BMPR1B: variants seen among roughly 807,000 people sequenced by gnomAD.
BMPR1B encodes bone morphogenetic protein receptor type 1B.
Under a neutral mutation model 59.1 loss-of-function variants are expected in BMPR1B, and 12 were observed. The ratio of observed to expected loss-of-function variants is 0.20; its 90% CI spans 0.13 to 0.33. The LOEUF is 0.33. Among genes scored for constraint, BMPR1B ranks in the 10% least tolerant of loss-of-function variants. The pLI is 1.00. For synonymous variants in BMPR1B, 237 were observed against 207.3 expected, an observed-to-expected ratio of 1.14 and a Z score of -1.23; for missense variants, 550 against 610.9, an observed-to-expected ratio of 0.90 and a Z score of 1.05.
chr4:95,128,237 C>T (rs1000204981), intron 8 of BMPR1B, among the ~76,000 whole-genome samples: 4 of 152,072 alleles, frequency 2.6e-5, no homozygotes, highest in African/African-American at 7.2e-5. Flanking sequence ...AGGTTGCTGA[C>T]GATAAGATGA....
chr4:95,124,715 A>T (rs1430874863), intron 7 of BMPR1B, among the ~76,000 whole-genome samples: 1 of 152,062 alleles, frequency 6.6e-6, no homozygotes. Flanking sequence ...GATATGTGCA[A>T]TTTGAAATAA....
intron 2 of BMPR1B, among the ~76,000 whole-genome samples, chr4:94,926,281 T>C (rs1162308915): frequency 6.6e-6 from 1 of 151,976 alleles, no homozygotes; most frequent in African/African-American, 2.4e-5. Context: ...ATAGATGTTT[T>C]ATAGGTTTCG....
At chr4:94,841,342 C>G (rs535336707) in intron 1 of BMPR1B, among the ~76,000 whole-genome samples, 1 of 148,838 alleles carries the variant, frequency 6.7e-6, no homozygotes, top group African/African-American at 2.5e-5. Flanking sequence ...TGGGCAATGG[C>G]GGGCGCCCCT....
At chr4:94,983,934 T>A (rs762289973) in intron 2 of BMPR1B, among the ~76,000 whole-genome samples, 4 of 152,206 alleles carry the variant, frequency 2.6e-5, no homozygotes, top group Non-Finnish European at 5.9e-5. Flanking sequence ...TAAGCAAGTG[T>A]TTATTGAATG....
intron 3 of BMPR1B, among the ~76,000 whole-genome samples, chr4:95,054,982 A>G (rs1173587941): frequency 6.6e-6 from 1 of 152,196 alleles, no homozygotes; most frequent in East Asian, 1.9e-4. Flanking sequence ...CTATTAAAGC[A>G]ATCAGATTAA....
intron 2 of BMPR1B, among the ~76,000 whole-genome samples, chr4:94,901,873 C>A (rs1005381416): frequency 6.6e-6 from 1 of 151,834 alleles, no homozygotes; most frequent in South Asian, 2.1e-4. Flanking sequence ...AACACTTGCA[C>A]CAGAGTGTTC....
chr4:95,094,246 G>A (rs918787427), intron 3 of BMPR1B, among the ~76,000 whole-genome samples: 2 of 152,086 alleles, frequency 1.3e-5, no homozygotes, highest in African/African-American at 4.8e-5. Flanking sequence ...AAGAAAATAA[G>A]AATATTTTAG....
At chr4:94,813,738 T>C (rs1174314212) in intron 1 of BMPR1B, among the ~76,000 whole-genome samples, 6 of 151,988 alleles carry the variant, frequency 3.9e-5, no homozygotes, top group Non-Finnish European at 7.4e-5. Flanking sequence ...AGTAGTCCAG[T>C]TGAGAGAGAA....
intron 3 of BMPR1B, among the ~76,000 whole-genome samples, chr4:95,043,725 A>C (rs529989034): frequency 6.6e-6 from 1 of 152,306 alleles, no homozygotes; most frequent in East Asian, 1.9e-4. Flanking sequence ...GCAATATTTT[A>C]AGAGAACACA....
Position 95,000,960 on chromosome 4 carries a change from A to G in BMPR1B, c.-18+4826A>G, listed in dbSNP as rs557894000. Among the ~76,000 whole-genome samples the G allele has an allele frequency of 2.6e-5, 4 of 152,298 alleles. No homozygotes were observed. In the East Asian group the frequency reaches 7.7e-4, roughly 29 times the overall value. Reference sequence around the variant, plus strand: ...AAATTAATTATGGAAGTGGGACTTGAAAGCTTTTCTTCAGTACTTCCATTT... The same window carrying G: ...AAATTAATTATGGAAGTGGGACTTGGAAGCTTTTCTTCAGTACTTCCATTT... On this transcript the variant is annotated intron_variant, in intron 3 of 12. Transcript: ENST00000515059.
Position 94,980,999 on chromosome 4 carries a change from A to ACACACGCGCGCGTACGCGCGCG in BMPR1B, c.-112-15036_-112-15035insGCGCGCGTACGCGCGCGCACAC, listed in dbSNP as rs1305112287. ...GGCAGAGCAAGACTCCATCACACACACACACACACACACACACACACACAA... is the reference window on the plus strand; with the variant it reads ...GGCAGAGCAAGACTCCATCACACACACACACGCGCGCGTACGCGCGCGCACACACACACACACACACACACAA... On this transcript the variant is annotated intron_variant, in intron 2 of 12. Coordinates refer to ENST00000515059, the MANE Select transcript of BMPR1B (RefSeq NM_001203.3). Among the ~76,000 whole-genome samples the ACACACGCGCGCGTACGCGCGCG allele has an allele frequency of 5.1e-3, 25 of 4,926 alleles. 1 individual carries two copies. The highest frequency in any genetic ancestry group is 0.028 in the Admixed American group (7 of 254). 3.2% of individuals were successfully genotyped at this position (4,926 alleles called of 152,430 possible).
chr4:94,789,963 A>C lies in BMPR1B; in HGVS notation c.-183+31895A>C, dbSNP rs188852713. Among the ~76,000 whole-genome samples, 683 of 152,282 alleles carry C rather than the reference A, an allele frequency of 4.5e-3. 5 individuals carry two copies. Among genetic ancestry groups the C allele is most frequent in the African/African-American group, 0.016 (652 of 41,560 alleles). On this transcript the variant is annotated intron_variant, in intron 1 of 12. Coordinates refer to ENST00000515059, the MANE Select transcript of BMPR1B (RefSeq NM_001203.3). ...ACTCAACATGAAGACGATGAGGATG[A>C]AGACCTTGATGATGATCCACTTCCA...
intron 1 of BMPR1B, among the ~76,000 whole-genome samples, chr4:94,759,277 CG>C (rs546634962): frequency 6.6e-6 from 1 of 152,294 alleles, no homozygotes; most frequent in East Asian, 1.9e-4. Flanking sequence ...GGAAGAGAGC[CG>C]TTTCACTACC....
chr4:95,136,421 T>C (rs1733791388), intron 10 of BMPR1B, among the ~76,000 whole-genome samples: 1 of 152,214 alleles, frequency 6.6e-6, no homozygotes, highest in African/African-American at 2.4e-5. Flanking sequence ...GATGCTGGCC[T>C]CATAAAATGG....
chr4:94,986,588 A>C (rs979024650), intron 2 of BMPR1B, among the ~76,000 whole-genome samples: 19 of 152,050 alleles, frequency 1.2e-4, no homozygotes, highest in Non-Finnish European at 1.9e-4. Context: ...ACCACGTTTC[A>C]AGAAAATTTC....
At chr4:95,138,272 A>G (rs568913386) in intron 10 of BMPR1B, among the ~76,000 whole-genome samples, 2 of 152,262 alleles carry the variant, frequency 1.3e-5, no homozygotes, top group South Asian at 4.1e-4. Context: ...CTGCTGAGAG[A>G]TCAGCTGTTA....
At chr4:95,132,372 A>T (rs540635154) in intron 10 of BMPR1B, among the ~76,000 whole-genome samples, 1 of 152,276 alleles carries the variant, frequency 6.6e-6, no homozygotes, top group South Asian at 2.1e-4. Flanking sequence ...GAGATTATTA[A>T]AAGTTTGGAA....
intron 3 of BMPR1B, among the ~76,000 whole-genome samples, chr4:95,052,849 T>G (rs1197204037): frequency 6.6e-6 from 1 of 152,178 alleles, no homozygotes; most frequent in Non-Finnish European, 1.5e-5. Flanking sequence ...GTTTGCTAGT[T>G]TAGTCTCTAA....
chr4:94,887,865 T>C lies in BMPR1B; in HGVS notation c.-113+11965T>C, dbSNP rs556710302. Among the ~76,000 whole-genome samples, 9 of 151,940 alleles carry C rather than the reference T, an allele frequency of 5.9e-5. No individual in the cohort carries two copies. In the East Asian group the frequency reaches 1.5e-3, roughly 26 times the overall value. On this transcript the variant is annotated intron_variant, in intron 2 of 12. Transcript: ENST00000515059. ...ATAATCCAAGAAAATTTTTCAGAAATAGAAAAAAATCGGAATCCCTATATA... is the reference window on the plus strand; with the variant it reads ...ATAATCCAAGAAAATTTTTCAGAAACAGAAAAAAATCGGAATCCCTATATA...
Sources: gnomAD v4.1 joint callset for allele counts (sites outside exome capture counted in the v4.1 genomes callset) on GRCh38, gnomAD v4.1.1 for gene constraint, MANE v1.5 for transcripts, NCBI Gene and HGNC (gene_info 2026-07-23, HGNC 2026-07-21) for gene names.